The following TENM4 variants were observed in gnomAD, a reference collection of about 807,000 sequenced individuals.
TENM4 encodes the protein teneurin-4.
In TENM4, 82 loss-of-function variants were observed where a neutral mutation model predicts 243.3. The observed-to-expected ratio is 0.34, with a 90% CI of 0.28 to 0.40. The LOEUF (loss-of-function observed/expected upper bound fraction) is 0.40, where lower values mean the gene tolerates loss of function less well. TENM4 is among the 10% of genes least tolerant of loss of function. The probability of loss-of-function intolerance (pLI) is 1.00; values close to 1 mark genes in which losing one functional copy is unlikely to be tolerated. For missense variants in TENM4, 3,138 were observed against 3,673.3 expected (o/e 0.85, Z 3.77); for synonymous variants, 1,412 against 1,456.3 (o/e 0.97, Z 0.69).
Position 79,000,742 on chromosome 11 carries a change from T to C in TENM4, c.493+63996A>G, listed in dbSNP as rs191894161. 6.8e-4 allele frequency among the ~76,000 whole-genome samples: 103 copies of C among 152,166 alleles called. 2 individuals carry two copies. The highest frequency in any genetic ancestry group is 2.4e-4 in the Non-Finnish European group (16 of 67,996). On this transcript the variant is annotated intron_variant, in intron 6 of 33. Transcript: ENST00000278550. ...AGACAGGGAAGTTATCAAAAGCAAA[T>C]AGGAAGGGCCGGGTGCAGCGGCTCA...
At chr11:78,841,030 C>T (rs1365468440) in intron 12 of TENM4, among the ~76,000 whole-genome samples, 1 of 152,116 alleles carries the variant, frequency 6.6e-6, no homozygotes, top group African/African-American at 2.4e-5. Flanking sequence ...CCCTGTAAGC[C>T]CTCAAAAATG....
chr11:79,092,183 A>T (rs1860973446), intron 4 of TENM4, among the ~76,000 whole-genome samples: 1 of 152,012 alleles, frequency 6.6e-6, no homozygotes, highest in Admixed American at 6.6e-5. Context: ...GGCACTGGGG[A>T]TGCAGATGGG....
At chr11:79,135,715 A>G in intron 4 of TENM4, among the ~76,000 whole-genome samples, 1 of 131,374 alleles carries the variant, frequency 7.6e-6, no homozygotes, top group South Asian at 2.6e-4. Context: ...TCATACATAT[A>G]TGATCATACA....
At chr11:79,086,677 T>C (rs919332074) in intron 4 of TENM4, among the ~76,000 whole-genome samples, 1 of 151,710 alleles carries the variant, frequency 6.6e-6, no homozygotes, top group Non-Finnish European at 1.5e-5. Flanking sequence ...CTACTAAAAA[T>C]AGAAAAATTA....
chr11:79,054,695 C>T (rs1465586173), intron 6 of TENM4, among the ~76,000 whole-genome samples: 2 of 152,120 alleles, frequency 1.3e-5, no homozygotes, highest in Non-Finnish European at 2.9e-5. Flanking sequence ...ATCCTCCCGC[C>T]TTGGCCTCCC....
intron 4 of TENM4, among the ~76,000 whole-genome samples, chr11:79,111,832 A>AG (rs1462513081): frequency 6.6e-6 from 1 of 152,084 alleles, no homozygotes; most frequent in African/African-American, 2.4e-5. Flanking sequence ...AGGAGGTGGG[A>AG]GGGGGGTGGT....
At chr11:79,150,415 T>C (rs1171212899) in intron 3 of TENM4, among the ~76,000 whole-genome samples, 1 of 151,928 alleles carries the variant, frequency 6.6e-6, no homozygotes, top group Non-Finnish European at 1.5e-5. Flanking sequence ...CTGTGTTGAG[T>C]TCAAATTTCT....
At chr11:79,025,787 CT>C (rs1388316377) in intron 6 of TENM4, among the ~76,000 whole-genome samples, 1 of 152,164 alleles carries the variant, frequency 6.6e-6, no homozygotes, top group East Asian at 1.9e-4. Flanking sequence ...TGACAACTCT[CT>C]GCTGAATGGA....
intron 6 of TENM4, among the ~76,000 whole-genome samples, chr11:79,033,301 G>A (rs184682021): frequency 1.3e-4 from 20 of 152,318 alleles, no homozygotes; most frequent in African/African-American, 4.8e-4. Context: ...TGGAGGTCAA[G>A]TTCCTAGGGG....
At chr11:79,337,175 C>G (rs752213942) in intron 1 of TENM4, among the ~76,000 whole-genome samples, 9 of 152,252 alleles carry the variant, frequency 5.9e-5, no homozygotes, top group Non-Finnish European at 1.2e-4. Context: ...CTTCTGTAAA[C>G]AGCAATCACT....
chr11:79,041,287 T>C (rs10793356), intron 6 of TENM4, among the ~76,000 whole-genome samples: 107,384 of 151,796 alleles, frequency 0.71, 39,342 homozygotes, highest in Non-Finnish European at 0.83. Flanking sequence ...TGGTCTTGAA[T>C]TCCTGACCTC....
intron 4 of TENM4, among the ~76,000 whole-genome samples, chr11:79,121,756 G>T (rs149780735): frequency 1.6e-4 from 25 of 152,286 alleles, no homozygotes; most frequent in Middle Eastern, 6.8e-3. Flanking sequence ...GGCAGCAGGT[G>T]GTGGTGGAAA....
chr11:78,769,222 T>C (rs1277941199), intron 18 of TENM4, among the ~76,000 whole-genome samples: 1 of 152,230 alleles, frequency 6.6e-6, no homozygotes, highest in African/African-American at 2.4e-5. Context: ...ATGCAGATAA[T>C]GTAGGCTGAC....
intron 9 of TENM4, among the ~76,000 whole-genome samples, chr11:78,865,911 G>A (rs894299391): frequency 2.0e-5 from 3 of 152,196 alleles, no homozygotes; most frequent in African/African-American, 4.8e-5. Context: ...TACCTAATGA[G>A]GTAATACATG....
At chr11:78,954,781 A>C (rs751023096) in intron 6 of TENM4, among the ~76,000 whole-genome samples, 1 of 152,264 alleles carries the variant, frequency 6.6e-6, no homozygotes, top group Middle Eastern at 3.2e-3. Flanking sequence ...AAGGAACATA[A>C]ATAACCATTT....
intron 1 of TENM4, among the ~76,000 whole-genome samples, chr11:79,361,261 G>T (rs1044902404): frequency 6.6e-6 from 1 of 152,174 alleles, no homozygotes; most frequent in Non-Finnish European, 1.5e-5. Flanking sequence ...GATCCTTTGT[G>T]CTTATTGCAG....
chr11:79,163,822 T>A (rs1275923265), intron 3 of TENM4, among the ~76,000 whole-genome samples: 1 of 146,694 alleles, frequency 6.8e-6, no homozygotes, highest in Non-Finnish European at 1.5e-5. Flanking sequence ...TATATATACA[T>A]GTATGTGTAC....
In TENM4 at chr11:79,317,399, T is replaced by A. The variant is rs1202602108; in HGVS notation, c.-320-19856A>T. Among the ~76,000 whole-genome samples the A allele has an allele frequency of 2.0e-5, 3 of 151,510 alleles. No homozygotes were observed. In the East Asian group the frequency reaches 5.8e-4, roughly 29 times the overall value. ...GGTAATTTTTTCTGGGAAGGGGGGG[T>A]CAGGGCGCAGACAGGCTATCTAATT... On this transcript the variant is annotated intron_variant, in intron 1 of 33. Coordinates refer to ENST00000278550, the MANE Select transcript of TENM4 (RefSeq NM_001098816.3).
At chr11:79,277,660 G>A (rs1391508095) in intron 2 of TENM4, among the ~76,000 whole-genome samples, 1 of 152,184 alleles carries the variant, frequency 6.6e-6, no homozygotes, top group Non-Finnish European at 1.5e-5. Flanking sequence ...TTGGAGTGAG[G>A]GGATGTGAAC....
Sources: gnomAD v4.1 joint callset for allele counts (sites outside exome capture counted in the v4.1 genomes callset) on GRCh38, gnomAD v4.1.1 for gene constraint, MANE v1.5 for transcripts, NCBI Gene and HGNC (gene_info 2026-07-23, HGNC 2026-07-21) for gene names.